DGKI: variants seen among roughly 807,000 people sequenced by gnomAD.
The protein encoded by DGKI is diacylglycerol kinase iota, also known as DAG kinase iota.
DGKI carries 55 observed loss-of-function variants against 147.5 expected under a neutral mutation model. That is an observed-to-expected ratio of 0.37 (90% CI 0.30 to 0.47). The LOEUF (loss-of-function observed/expected upper bound fraction) is 0.47. DGKI is among the 20% of genes least tolerant of loss of function. DGKI has a pLI of 1.00. For synonymous variants in DGKI, 469 were observed against 477.1 expected (o/e 0.98, Z 0.22); for missense variants, 1,007 against 1,323.8 (o/e 0.76, Z 3.71).
At position 137,384,875 on chromosome 7, in the gene DGKI, T is replaced by G. The variant is rs1465955656; in HGVS notation, c.*6345A>C. 1 of 152,146 alleles carries G rather than the reference T, an allele frequency of 6.6e-6. No homozygotes were observed. Among genetic ancestry groups the G allele is most frequent in the Non-Finnish European group, 1.5e-5 (1 of 67,990 alleles). The allele number at this position is 152,146 out of a possible 1,614,324, so 9.4% of individuals were successfully genotyped here. ...GGCATTTGGCTCAAAATATTGAAAT[T>G]TCAAAAGTTGGGTGAAAACTTGGAT... is the stretch of plus-strand genomic sequence containing the variant. On this transcript the variant is annotated 3_prime_UTR_variant, in exon 33 of 33. Transcript: ENST00000614521.
chr7:137,498,990 C>T (rs570897429), intron 21 of DGKI, among the ~76,000 whole-genome samples: 3 of 152,084 alleles, frequency 2.0e-5, no homozygotes, highest in Non-Finnish European at 4.4e-5. Flanking sequence ...AGAATGAGTC[C>T]GTGTGCACTC....
chr7:137,836,308 G>A (rs1217762931), intron 1 of DGKI, among the ~76,000 whole-genome samples: 1 of 152,164 alleles, frequency 6.6e-6, no homozygotes, highest in East Asian at 1.9e-4. Context: ...TTTTCAAAAT[G>A]TTCCTTTGGA....
chr7:137,694,966 T>C (rs1400883670), intron 1 of DGKI, among the ~76,000 whole-genome samples: 4 of 152,216 alleles, frequency 2.6e-5, no homozygotes, highest in East Asian at 3.8e-4. Context: ...TTAATGTACA[T>C]TGAAATGTTG....
intron 20 of DGKI, among the ~76,000 whole-genome samples, chr7:137,537,734 G>A (rs1311937991): frequency 6.6e-6 from 1 of 152,172 alleles, no homozygotes; most frequent in African/African-American, 2.4e-5. Flanking sequence ...AGACTCTCAG[G>A]AAGGTTGTGT....
chr7:137,745,451 A>G (rs1327799217), intron 1 of DGKI, among the ~76,000 whole-genome samples: 1 of 152,256 alleles, frequency 6.6e-6, no homozygotes. Context: ...TTCCAGAAAT[A>G]AACAGCAAGT....
intron 1 of DGKI, among the ~76,000 whole-genome samples, chr7:137,716,064 A>G (rs959739078): frequency 6.6e-6 from 1 of 152,216 alleles, no homozygotes; most frequent in Non-Finnish European, 1.5e-5. Context: ...AAGAGTTTGA[A>G]GCTCTGAATG....
At chr7:137,608,316 G>A (rs1820249867) in intron 10 of DGKI, among the ~76,000 whole-genome samples, 1 of 152,212 alleles carries the variant, frequency 6.6e-6, no homozygotes, top group Non-Finnish European at 1.5e-5. Context: ...ATAATCGGAT[G>A]AAGAGACAAA....
At chr7:137,475,083 T>C (rs1242412060) in intron 23 of DGKI, among the ~76,000 whole-genome samples, 3 of 152,160 alleles carry the variant, frequency 2.0e-5, no homozygotes, top group Non-Finnish European at 2.9e-5. Context: ...CCTAAAACAA[T>C]TCTGCCCTTA....
intron 2 of DGKI, among the ~76,000 whole-genome samples, chr7:137,679,961 AG>A (rs1372072070): frequency 4.8e-5 from 7 of 147,112 alleles, no homozygotes; most frequent in African/African-American, 1.8e-4. Context: ...ACTGCACTCC[AG>A]CCTGGGCGAC....
intron 6 of DGKI, among the ~76,000 whole-genome samples, chr7:137,624,883 G>C (rs1377920206): frequency 6.6e-6 from 1 of 152,106 alleles, no homozygotes; most frequent in East Asian, 1.9e-4. Context: ...TAGGATTATA[G>C]GCGTGAGCCA....
chr7:137,701,460 G>A (rs529712246), intron 1 of DGKI, among the ~76,000 whole-genome samples: 16 of 152,178 alleles, frequency 1.1e-4, no homozygotes, highest in African/African-American at 3.1e-4. Context: ...CAACTAATCT[G>A]CAAAAATCAA....
At chr7:137,627,476 A>G (rs1265594122) in intron 6 of DGKI, among the ~76,000 whole-genome samples, 1 of 152,156 alleles carries the variant, frequency 6.6e-6, no homozygotes, top group Admixed American at 6.5e-5. Flanking sequence ...TCTAATTACA[A>G]ACTTCACGCT....
At chr7:137,708,009 A>T (rs1226567106) in intron 1 of DGKI, among the ~76,000 whole-genome samples, 1 of 152,196 alleles carries the variant, frequency 6.6e-6, no homozygotes. Flanking sequence ...GGTTTCAATT[A>T]TCTGAGCCTG....
intron 1 of DGKI, among the ~76,000 whole-genome samples, chr7:137,779,822 T>C (rs1330298218): frequency 6.6e-6 from 1 of 152,140 alleles, no homozygotes; most frequent in Non-Finnish European, 1.5e-5. Context: ...ATGGGGTACA[T>C]TATATTATTT....
chr7:137,510,700 G>T (rs1395881199), intron 21 of DGKI, among the ~76,000 whole-genome samples: 1 of 152,192 alleles, frequency 6.6e-6, no homozygotes, highest in Non-Finnish European at 1.5e-5. Flanking sequence ...TGATGGTCAA[G>T]GTCACCAACA....
At chr7:137,624,897 C>T (rs1206057246) in intron 6 of DGKI, among the ~76,000 whole-genome samples, 1 of 151,918 alleles carries the variant, frequency 6.6e-6, no homozygotes, top group Admixed American at 6.6e-5. Context: ...TGAGCCATCT[C>T]GCCCGGCCTT....
chr7:137,654,369 T>C (rs529693416), intron 5 of DGKI, among the ~76,000 whole-genome samples: 4 of 152,162 alleles, frequency 2.6e-5, no homozygotes, highest in Admixed American at 2.6e-4. Flanking sequence ...AATTGAAAAA[T>C]GCACTTAAAA....
intron 10 of DGKI, among the ~76,000 whole-genome samples, chr7:137,601,176 C>G (rs1819976395): frequency 6.6e-6 from 1 of 151,758 alleles, no homozygotes; most frequent in Non-Finnish European, 1.5e-5. Flanking sequence ...GAGGCTGAGG[C>G]AGGAGAAGGG....
chr7:137,729,864 TCACTACTAA>T (rs1794820124), intron 1 of DGKI, among the ~76,000 whole-genome samples: 1 of 152,116 alleles, frequency 6.6e-6, no homozygotes, highest in Admixed American at 6.5e-5. Flanking sequence ...GGTTCCATGT[TCACTACTAA>T]AATCAGGGGT....
Sources: allele counts gnomAD v4.1 joint callset (sites outside exome capture counted in the v4.1 genomes callset), GRCh38; gene constraint gnomAD v4.1.1; transcripts MANE v1.5; gene names NCBI Gene and HGNC (gene_info 2026-07-23, HGNC 2026-07-21).